Variants in PEAR1 observed in about 807,000 individuals in gnomAD.
PEAR1 encodes the protein multiple EGF-like domains protein 12.
In PEAR1, 113 loss-of-function variants were observed where a neutral mutation model predicts 131.2. The ratio of observed to expected loss-of-function variants is 0.86; its 90% CI spans 0.74 to 1.01. The LOEUF (loss-of-function observed/expected upper bound fraction) is 1.01. PEAR1 is among the 50% of genes least tolerant of loss of function. PEAR1 has a pLI of 0.00. For missense variants in PEAR1, 1,408 were observed against 1,391.1 expected, an observed-to-expected ratio of 1.01 and a Z score of -0.19; for synonymous variants, 565 against 523.3, an observed-to-expected ratio of 1.08 and a Z score of -1.09.
intron 2 of PEAR1, among the ~76,000 whole-genome samples, chr1:156,904,249 C>G (rs1370142042): frequency 6.6e-6 from 1 of 152,178 alleles, no homozygotes; most frequent in Non-Finnish European, 1.5e-5. Context: ...TCTGAACCAT[C>G]CTTTCTCTTT....
Position 156,912,754 on chromosome 1 carries a change from A to G in PEAR1, c.2210-16A>G. The G allele has an allele frequency of 6.2e-7, 1 of 1,613,798 alleles. No individual in the cohort carries two copies. Among genetic ancestry groups the G allele is most frequent in the African/African-American group, 1.3e-5 (1 of 74,970 alleles). ...AGCCAAGATGCCATTCTGAGTGAGC[A>G]CCCCATTCCACACAGGAATCCAGGA... On this transcript the variant is annotated splice_polypyrimidine_tract_variant and intron_variant, in intron 17 of 22. Transcript: ENST00000292357.
rs1650529510 is a variant in PEAR1 at position 156,907,915 on chromosome 1, G to A, written c.766G>A (p.Gly256Ser). The A allele has an allele frequency of 6.3e-7, 1 of 1,596,466 alleles. No homozygotes were observed. Among genetic ancestry groups the A allele is most frequent in the Non-Finnish European group, 8.5e-7 (1 of 1,170,704 alleles). Reference sequence around the variant, plus strand: ...CCCTGTTGACCTCTTATCCCCACAGGGCACCATCTGCTCCCTGCCCTGCCC... The same window carrying A: ...CCCTGTTGACCTCTTATCCCCACAGAGCACCATCTGCTCCCTGCCCTGCCC... ...GSCSCPPGWM[G>S]TICSLPCPEG... The change falls in exon 8 of 23, where the codon GGC (glycine) becomes AGC (serine). Residue 256 changes from glycine to serine, a missense_variant and splice_region_variant. Physicochemically the swap from Gly to Ser is moderately conservative, Grantham distance 56 (BLOSUM62 0). Transcript: ENST00000292357.
chr1:156,904,980 T>C, intron 3 of PEAR1, 128 bp downstream of exon 3: 1 of 1,556,424 alleles, frequency 6.4e-7, no homozygotes, highest in Non-Finnish European at 8.7e-7. Flanking sequence ...AGGGATTCAT[T>C]CTGCATGGTC....
In PEAR1 at chr1:156,908,670, C is replaced by A; in HGVS notation, c.1131C>A (p.Asn377Lys). ...REHSLSCHPM[N>K]GECSCLPGWA... ...CTGCCCCCAGCTGCCACCCGATGAA[C>A]GGGGAGTGCTCCTGCCTGCCGGGCT... is the stretch of plus-strand genomic sequence containing the variant. The change falls in exon 10 of 23, where the codon AAC becomes AAA. Residue 377 changes from asparagine to lysine, a missense_variant. Transcript: ENST00000292357. This position sits in a 1 kb window ranked among gnomAD's most constrained non-coding sequence, Gnocchi z 4.2. 4 of 1,529,286 alleles carry A rather than the reference C, an allele frequency of 2.6e-6. No homozygotes were observed. Among genetic ancestry groups the A allele is most frequent in the Non-Finnish European group, 3.5e-6 (4 of 1,142,992 alleles). The allele number at this position is 1,529,286 out of a possible 1,614,324, so 94.7% of individuals were successfully genotyped here.
intron 15 of PEAR1, 60 bp from the exon 16 acceptor site, chr1:156,912,187 G>T: frequency 6.4e-7 from 1 of 1,552,696 alleles, no homozygotes; most frequent in South Asian, 1.2e-5. Flanking sequence ...GCTGGGGGCT[G>T]AGAGTTCATC....
At chr1:156,899,815 G>C (rs1649502442) in intron 1 of PEAR1, among the ~76,000 whole-genome samples, 1 of 152,106 alleles carries the variant, frequency 6.6e-6, no homozygotes, top group African/African-American at 2.4e-5. Flanking sequence ...GCTTGAACTT[G>C]GGCAGGGGTT....
intron 1 of PEAR1, among the ~76,000 whole-genome samples, chr1:156,897,701 G>A (rs539082830): frequency 4.6e-5 from 7 of 152,366 alleles, no homozygotes; most frequent in African/African-American, 9.6e-5. Context: ...GGAGGAGGGC[G>A]TGAGCCTGGA....
Position 156,914,766 on chromosome 1 carries a change from C to G in PEAR1, c.3082C>G (p.Pro1028Ala). 1 of 1,613,986 alleles carries G rather than the reference C, an allele frequency of 6.2e-7. No homozygotes were observed. The highest frequency in any genetic ancestry group is 8.5e-7 in the Non-Finnish European group (1 of 1,179,890). ...TGACTTGCCTCCAGTACGGCATCCC[C>G]CATCACCTCCACTTCGACGCCAGGA... ...HYDLPPVRHP[P>A]SPPLRRQDR Residue 1028 changes from proline to alanine, a missense_variant, in exon 23 of 23, where the codon CCA becomes GCA. Transcript: ENST00000292357.
At chr1:156,907,523 TG>T (rs2102997188) in intron 6 of PEAR1, 86 bp from the exon 7 acceptor site, 2 of 1,526,256 alleles carry the variant, frequency 1.3e-6, no homozygotes, top group South Asian at 1.3e-5. Context: ...AGTCCTGAGG[TG>T]GGGGTTGTGG....
rs1651504408 is a variant in PEAR1 at position 156,913,477 on chromosome 1, T to G, written c.2598T>G (p.Ala866=). 1.9e-6 allele frequency: 3 copies of G among 1,613,488 alleles called. No individual in the cohort carries two copies. Among genetic ancestry groups the G allele is most frequent in the Non-Finnish European group, 2.5e-6 (3 of 1,180,006 alleles). ...QGHDNHTTLP[A]DWKHRREPPP... Reference sequence around the variant, plus strand: ...ATGATAACCACACCACCCTGCCTGCTGACTGGAAGCACCGCCGGGAGCCCC... The same window carrying G: ...ATGATAACCACACCACCCTGCCTGCGGACTGGAAGCACCGCCGGGAGCCCC... Residue 866 remains alanine (A), a synonymous_variant, in exon 20 of 23, where the codon GCT becomes GCG. Transcript: ENST00000292357.
intron 15 of PEAR1, among the ~76,000 whole-genome samples, chr1:156,911,279 T>C (rs906932549): frequency 1.5e-5 from 2 of 134,628 alleles, no homozygotes; most frequent in South Asian, 2.4e-4. Context: ...CCCTCTCTCT[T>C]TCTTTCTTTT....
chr1:156,913,042 A>AT lies in PEAR1; in HGVS notation c.2422+61dup, dbSNP rs1651423562. Reference sequence around the variant, plus strand: ...GGCTGGCTCATAGGCACAAGAGTGGATGCTGGGCATGACCCAAAGGGAAGA... The same window carrying AT: ...GGCTGGCTCATAGGCACAAGAGTGGATTGCTGGGCATGACCCAAAGGGAAGA... On this transcript the variant is annotated intron_variant, in intron 18 of 22. Coordinates refer to ENST00000292357, the MANE Select transcript of PEAR1 (RefSeq NM_001080471.3). 57 of 1,597,638 alleles carry AT rather than the reference A, an allele frequency of 3.6e-5. No homozygotes were observed. The South Asian group carries it at 5.9e-4, about 16-fold the overall frequency.
Position 156,913,450 on chromosome 1 carries a change from G to A in PEAR1, c.2571G>A (p.Gly857=), listed in dbSNP as rs55864969. 36,924 of 1,613,748 alleles carry A rather than the reference G, an allele frequency of 0.023. 514 individuals are homozygous for A. The highest frequency in any genetic ancestry group is 0.027 in the Non-Finnish European group (31,860 of 1,180,020). The change falls in exon 20 of 23, where the codon GGG becomes GGA. Residue 857 remains glycine, a synonymous_variant. Coordinates refer to ENST00000292357, the MANE Select transcript of PEAR1 (RefSeq NM_001080471.3). ...QNPERPGGAQ[G]HDNHTTLPAD... ...CTGAGCGGCCAGGTGGGGCCCAAGGGCATGATAACCACACCACCCTGCCTG... is the reference window on the plus strand; with the variant it reads ...CTGAGCGGCCAGGTGGGGCCCAAGGACATGATAACCACACCACCCTGCCTG...
At chr1:156,904,466 A>G (rs554207004) in intron 2 of PEAR1, among the ~76,000 whole-genome samples, 40 of 152,208 alleles carry the variant, frequency 2.6e-4, no homozygotes, top group Admixed American at 3.9e-4. Flanking sequence ...CACCCTTTCC[A>G]TACAGGGAGG....
chr1:156,908,742 G>A lies in PEAR1; in HGVS notation c.1203G>A (p.Gly401=), dbSNP rs776421531. ...CNESCPQDTH[G]PGCQEHCLCL... Reference sequence around the variant, plus strand: ...AGAGCTGCCCGCAGGACACGCATGGGCCAGGGTGCCAGGAGCACTGTCTCT... The same window carrying A: ...AGAGCTGCCCGCAGGACACGCATGGACCAGGGTGCCAGGAGCACTGTCTCT... Residue 401 remains glycine, a synonymous_variant, in exon 10 of 23, where the codon GGG becomes GGA. Coordinates refer to ENST00000292357, the MANE Select transcript of PEAR1 (RefSeq NM_001080471.3). This position sits in a 1 kb window ranked among gnomAD's most constrained non-coding sequence, Gnocchi z 4.2. 3 of 1,571,806 alleles carry A rather than the reference G, an allele frequency of 1.9e-6. No homozygotes were observed. The highest frequency in any genetic ancestry group is 1.7e-6 in the Non-Finnish European group (2 of 1,162,022).
chr1:156,913,815 G>A (rs775185096), intron 21 of PEAR1, 37 bp from the exon 22 acceptor site: 9 of 1,611,060 alleles, frequency 5.6e-6, no homozygotes, highest in Non-Finnish European at 6.8e-6. Flanking sequence ...AGGAACCAGT[G>A]CCTCCATGCG....
chr1:156,907,465 T>C, intron 6 of PEAR1, 145 bp from the exon 7 acceptor site: 1 of 1,411,876 alleles, frequency 7.1e-7, no homozygotes, highest in Non-Finnish European at 9.3e-7. Context: ...AAACCTTTGC[T>C]TTCTGACTCG....
intron 22 of PEAR1, 64 bp from the exon 23 acceptor site, chr1:156,914,583 G>A: frequency 1.3e-6 from 2 of 1,506,810 alleles, no homozygotes; most frequent in South Asian, 1.3e-5. Flanking sequence ...TGCAGTGGGA[G>A]TGGAGGGAGT....
At chr1:156,900,726 G>A (rs1649598581) in intron 1 of PEAR1, among the ~76,000 whole-genome samples, 1 of 152,172 alleles carries the variant, frequency 6.6e-6, no homozygotes, top group Non-Finnish European at 1.5e-5. Flanking sequence ...TGAAGGTTGA[G>A]TAGGGGAACA....
Sources: allele counts gnomAD v4.1 joint callset (sites outside exome capture counted in the v4.1 genomes callset), GRCh38; gene constraint gnomAD v4.1.1; non-coding constraint Gnocchi (gnomAD v3.1); transcripts MANE v1.5; gene names NCBI Gene and HGNC (gene_info 2026-07-23, HGNC 2026-07-21).